TRAF3IP1: variants seen among roughly 807,000 people sequenced by gnomAD.
TRAF3IP1 encodes the protein intraflagellar transport 54, also known as TRAF3-interacting protein 1.
Under a neutral mutation model 89.9 loss-of-function variants are expected in TRAF3IP1, and 53 were observed. The observed-to-expected ratio is 0.59, with a 90% confidence interval of 0.47 to 0.74. The LOEUF is 0.74. TRAF3IP1 is among the 30% of genes least tolerant of loss of function. The probability of loss-of-function intolerance (pLI) is 0.00; values close to 1 mark genes in which losing one functional copy is unlikely to be tolerated. For missense variants in TRAF3IP1, 806 were observed against 866.1 expected, an observed-to-expected ratio of 0.93 and a Z score of 0.87; for synonymous variants, 311 against 322.1, an observed-to-expected ratio of 0.97 and a Z score of 0.37.
chr2:238,381,982 A>G (rs1442994079), intron 15 of TRAF3IP1, among the ~76,000 whole-genome samples: 1 of 152,194 alleles, frequency 6.6e-6, no homozygotes, highest in African/African-American at 2.4e-5. Context: ...AAGCACACGG[A>G]TGTGATCAGA....
At chr2:238,364,095 T>G (rs780859493) in intron 15 of TRAF3IP1, among the ~76,000 whole-genome samples, 23 of 152,352 alleles carry the variant, frequency 1.5e-4, no homozygotes, top group Admixed American at 2.0e-4. Flanking sequence ...ACAAAACAGG[T>G]GTTTTCTGTG....
intron 15 of TRAF3IP1, among the ~76,000 whole-genome samples, chr2:238,390,895 A>G (rs532248332): frequency 2.6e-5 from 4 of 152,000 alleles, no homozygotes; most frequent in South Asian, 2.1e-4. Flanking sequence ...GAATCCTCCT[A>G]TGGTCTAGGT....
chr2:238,340,543 C>A (rs901023944), intron 8 of TRAF3IP1, among the ~76,000 whole-genome samples: 1 of 152,092 alleles, frequency 6.6e-6, no homozygotes, highest in East Asian at 1.9e-4. Flanking sequence ...AAAACATGAA[C>A]AATTTCTTCC....
chr2:238,320,563 GCGGC>G lies in TRAF3IP1; in HGVS notation c.-99_-96del. The G allele has an allele frequency of 4.1e-6, 4 of 980,614 alleles. No homozygotes were observed. Among genetic ancestry groups the G allele is most frequent in the Non-Finnish European group, 4.9e-6 (4 of 815,300 alleles). The allele number at this position is 980,614 out of a possible 1,614,324, so 60.7% of individuals were successfully genotyped here. A position where few individuals can be genotyped will look rare whatever the true frequency, so the allele number is the denominator to read the frequency against. On this transcript the variant is annotated 5_prime_UTR_variant, in exon 1 of 17. The change abolishes the stop of an existing upstream ORF in the 5' untranslated region. Transcript: ENST00000373327. ...GAGCGGCGCGTCCTGGCAGGACCGG[GCGGC>G]GGCGGCGGCGGGGCCGGCGGCGGCC...
chr2:238,352,715 C>A, intron 12 of TRAF3IP1, 112 bp from the exon 13 acceptor site: 1 of 1,065,374 alleles, frequency 9.4e-7, no homozygotes, highest in Non-Finnish European at 1.4e-6. Context: ...GCTGTTCTAG[C>A]TAGAGATGGT....
rs551258724 is a variant in TRAF3IP1 at position 238,367,851 on chromosome 2, G to A, written c.1689+11771G>A. Among the ~76,000 whole-genome samples the A allele has an allele frequency of 1.6e-4, 25 of 152,332 alleles. No homozygotes were observed. The East Asian group carries it at 4.6e-3, about 28-fold the overall frequency. On this transcript the variant is annotated intron_variant, in intron 15 of 16. Coordinates refer to ENST00000373327, the MANE Select transcript of TRAF3IP1 (RefSeq NM_015650.4). Reference sequence around the variant, plus strand: ...GGGAGCAGCACCGCGGCTCCAGCATGCCCCAGGCCCGGAGCCTGTGCCTCC... The same window carrying A: ...GGGAGCAGCACCGCGGCTCCAGCATACCCCAGGCCCGGAGCCTGTGCCTCC...
At chr2:238,385,482 T>G (rs1700731329) in intron 15 of TRAF3IP1, among the ~76,000 whole-genome samples, 1 of 152,308 alleles carries the variant, frequency 6.6e-6, no homozygotes, top group African/African-American at 2.4e-5. Context: ...AATAGAAAAC[T>G]ACTTCTTTTT....
intron 16 of TRAF3IP1, among the ~76,000 whole-genome samples, chr2:238,398,534 C>T (rs1450731480): frequency 6.6e-6 from 1 of 151,986 alleles, no homozygotes. Flanking sequence ...TTAAGGACTT[C>T]AAGATTATCA....
rs1192698653 is a variant in TRAF3IP1 at position 238,333,992 on chromosome 2, G to A, written c.1020G>A (p.Leu340=). 4 of 1,610,314 alleles carry A rather than the reference G, an allele frequency of 2.5e-6. No individual in the cohort carries two copies. In the South Asian group the frequency reaches 4.4e-5, roughly 18 times the overall value. The change falls in exon 7 of 17, where the codon TTG becomes TTA. Residue 340 remains leucine, a synonymous_variant. Coordinates refer to ENST00000373327, the MANE Select transcript of TRAF3IP1 (RefSeq NM_015650.4). ...TEISTRASKS[L]TTKTSKRRSK... is the part of the protein sequence containing the mutation. Reference sequence around the variant, plus strand: ...TTTCCACTAGAGCTTCCAAGTCATTGACAACAAAAACATCAAAACGGCGAT... The same window carrying A: ...TTTCCACTAGAGCTTCCAAGTCATTAACAACAAAAACATCAAAACGGCGAT...
intron 14 of TRAF3IP1, 61 bp from the exon 15 acceptor site, chr2:238,355,943 T>G: frequency 7.9e-7 from 1 of 1,270,106 alleles, no homozygotes; most frequent in South Asian, 1.2e-5. Flanking sequence ...CCCACCCATT[T>G]AGAATAGGTT....
At chr2:238,344,722 T>G (rs769304756) in intron 9 of TRAF3IP1, 124 bp downstream of exon 9, 13 of 774,770 alleles carry the variant, frequency 1.7e-5, no homozygotes, top group Non-Finnish European at 2.7e-5. Flanking sequence ...TGGCAAGTGA[T>G]TCACAGTGAT....
chr2:238,335,696 G>A (rs1276914326), intron 7 of TRAF3IP1, among the ~76,000 whole-genome samples: 2 of 152,112 alleles, frequency 1.3e-5, no homozygotes, highest in Non-Finnish European at 2.9e-5. Flanking sequence ...CCCCTCTTCT[G>A]AGAACACGTT....
intron 11 of TRAF3IP1, 141 bp downstream of exon 11, chr2:238,348,989 A>G: frequency 4.1e-6 from 3 of 729,182 alleles, no homozygotes; most frequent in Admixed American, 2.7e-5. Flanking sequence ...TACAAGAAGT[A>G]TATCAGTTTT....
At chr2:238,358,450 C>T (rs1176852078) in intron 15 of TRAF3IP1, among the ~76,000 whole-genome samples, 2 of 152,268 alleles carry the variant, frequency 1.3e-5, no homozygotes, top group East Asian at 1.9e-4. Context: ...GCACAAGAAT[C>T]GCTTGAGCCC....
chr2:238,370,752 A>G (rs1000450147), intron 15 of TRAF3IP1, among the ~76,000 whole-genome samples: 2 of 152,238 alleles, frequency 1.3e-5, no homozygotes, highest in Admixed American at 6.5e-5. Context: ...CGTTAAGTGC[A>G]TGTCATCAAC....
chr2:238,324,645 G>A (rs949511609), intron 1 of TRAF3IP1, among the ~76,000 whole-genome samples: 2 of 151,492 alleles, frequency 1.3e-5, no homozygotes, highest in East Asian at 1.9e-4. Context: ...TGGCTCTGTC[G>A]CCAGGCTGGA....
At position 238,357,402 on chromosome 2, in the gene TRAF3IP1, C is replaced by T. The variant is rs116061572; in HGVS notation, c.1689+1322C>T. Among the ~76,000 whole-genome samples the T allele has an allele frequency of 5.4e-3, 823 of 152,264 alleles. 6 individuals are homozygous for T. Among genetic ancestry groups the T allele is most frequent in the African/African-American group, 0.018 (734 of 41,550 alleles). ...ATATATAGGGATGTGTGCACACATA[C>T]GTACACACACATGCACACATATATG... On this transcript the variant is annotated intron_variant, in intron 15 of 16. Transcript: ENST00000373327.
intron 15 of TRAF3IP1, among the ~76,000 whole-genome samples, chr2:238,380,727 GC>G (rs1367174222): frequency 6.6e-6 from 1 of 152,132 alleles, no homozygotes; most frequent in African/African-American, 2.4e-5. Context: ...TAAAGGAAAT[GC>G]CTGCATCACA....
chr2:238,389,384 G>A lies in TRAF3IP1; in HGVS notation c.1690-8075G>A, dbSNP rs551799942. Among the ~76,000 whole-genome samples the A allele has an allele frequency of 2.1e-4, 29 of 140,054 alleles. 1 individual carries two copies. The South Asian group carries it at 6.5e-3, about 31-fold the overall frequency. The allele number at this position is 140,054 out of a possible 152,430, so 91.9% of individuals were successfully genotyped here. On this transcript the variant is annotated intron_variant, in intron 15 of 16. Transcript: ENST00000373327. ...CAACCCTCCCCCTCCCAACCCTCCC[G>A]CATTTTGGAGTACTCAGTGTCTATT...
Sources: allele counts gnomAD v4.1 joint callset (sites outside exome capture counted in the v4.1 genomes callset), GRCh38; gene constraint gnomAD v4.1.1; transcripts MANE v1.5; gene names NCBI Gene and HGNC (gene_info 2026-07-23, HGNC 2026-07-21).